The following ABL1 variants were observed in gnomAD, a reference collection of about 807,000 sequenced individuals.
ABL1 encodes the protein ABL proto-oncogene 1, non-receptor tyrosine kinase, also known as tyrosine-protein kinase ABL1.
A neutral mutation model predicts 94.7 loss-of-function variants in ABL1; 11 were observed. The observed-to-expected ratio is 0.12, with a 90% CI of 0.07 to 0.19. ABL1 has a LOEUF of 0.19. Among genes scored for constraint, ABL1 ranks in the 10% least tolerant of loss-of-function variants. The pLI is 1.00. For missense variants in ABL1, 1,082 were observed against 1,489.4 expected (o/e 0.73, Z 4.50); for synonymous variants, 656 against 622.4 (o/e 1.05, Z -0.80).
At chr9:130,834,023 C>T (rs1442019726), upstream of ABL1, 1 of 455,956 alleles carries the variant, frequency 2.2e-6, no homozygotes, top group Non-Finnish European at 4.4e-6. Flanking sequence ...GAGCCTGATC[C>T]TTGGAGCCAG....
chr9:130,744,010 A>C (rs1831852386), intron 1 of ABL1, among the ~76,000 whole-genome samples: 1 of 152,146 alleles, frequency 6.6e-6, no homozygotes, highest in African/African-American at 2.4e-5. Context: ...TGCTTGCTGC[A>C]TACAAATATT....
intron 1 of ABL1, among the ~76,000 whole-genome samples, chr9:130,750,171 T>C (rs1350487993): frequency 7.6e-6 from 1 of 131,422 alleles, no homozygotes; most frequent in African/African-American, 2.8e-5. Context: ...ACAGAGACCC[T>C]GACTCAAGAA....
At chr9:130,799,862 G>C (rs1830031604) in intron 1 of ABL1, among the ~76,000 whole-genome samples, 1 of 151,166 alleles carries the variant, frequency 6.6e-6, no homozygotes, top group African/African-American at 2.4e-5. Flanking sequence ...ATAAATTTTG[G>C]GATATTTATA....
At chr9:130,773,769 T>C (rs1456728792) in intron 1 of ABL1, among the ~76,000 whole-genome samples, 1 of 151,680 alleles carries the variant, frequency 6.6e-6, no homozygotes, top group African/African-American at 2.4e-5. Context: ...ACATGAGCCA[T>C]TGTGCCCGGC....
At chr9:130,726,907 A>G (rs1196473837) in intron 1 of ABL1, among the ~76,000 whole-genome samples, 1 of 152,242 alleles carries the variant, frequency 6.6e-6, no homozygotes, top group Non-Finnish European at 1.5e-5. Flanking sequence ...GCTCTATCAC[A>G]TAAGTTCATC....
intron 1 of ABL1, among the ~76,000 whole-genome samples, chr9:130,780,910 A>G (rs1289000113): frequency 6.6e-6 from 1 of 152,204 alleles, no homozygotes; most frequent in African/African-American, 2.4e-5. Flanking sequence ...CCCTAATGAA[A>G]CTGAAAATGA....
chr9:130,750,722 C>A (rs1831954369), intron 1 of ABL1, among the ~76,000 whole-genome samples: 2 of 142,354 alleles, frequency 1.4e-5, no homozygotes, highest in African/African-American at 5.3e-5. Flanking sequence ...TCTCGGCTCA[C>A]TGCAACCTCT....
chr9:130,800,782 CATTTT>C (rs531202887), intron 1 of ABL1, among the ~76,000 whole-genome samples: 338 of 152,114 alleles, frequency 2.2e-3, no homozygotes, highest in African/African-American at 7.7e-3. Context: ...ACAATTTATC[CATTTT>C]ACTAGTGGAT....
At chr9:130,816,218 C>G (rs1229473331) in intron 1 of ABL1, among the ~76,000 whole-genome samples, 1 of 152,176 alleles carries the variant, frequency 6.6e-6, no homozygotes, top group Non-Finnish European at 1.5e-5. Context: ...GGCCTTTGCA[C>G]TTGCTGTTCT....
chr9:130,751,072 A>C (rs1178222644), intron 1 of ABL1, among the ~76,000 whole-genome samples: 4 of 150,960 alleles, frequency 2.6e-5, no homozygotes, highest in Non-Finnish European at 4.4e-5. Flanking sequence ...ATGTTTAAGA[A>C]TACATAAATG....
intron 1 of ABL1, among the ~76,000 whole-genome samples, chr9:130,736,716 TC>T (rs1156778835): frequency 6.6e-6 from 1 of 152,118 alleles, no homozygotes; most frequent in Non-Finnish European, 1.5e-5. Context: ...GTCTCAAACT[TC>T]CGATCTCAGG....
intron 1 of ABL1, among the ~76,000 whole-genome samples, chr9:130,788,133 T>C (rs180930049): frequency 2.0e-5 from 3 of 152,370 alleles, no homozygotes; most frequent in Non-Finnish European, 2.9e-5. Context: ...ATACAAATAC[T>C]GTATGTATAG....
chr9:130,753,970 C>T (rs1171584506), intron 1 of ABL1, among the ~76,000 whole-genome samples: 1 of 151,732 alleles, frequency 6.6e-6, no homozygotes, highest in African/African-American at 2.4e-5. Context: ...CTTTGGGAGG[C>T]TGAGGCGGGT....
At chr9:130,874,009 C>T (rs768695197) in intron 6 of ABL1, among the ~76,000 whole-genome samples, 2 of 152,222 alleles carry the variant, frequency 1.3e-5, no homozygotes, top group Non-Finnish European at 2.9e-5. Context: ...TCTGGTTTGC[C>T]TGGCACGGCC....
At chr9:130,830,956 G>C (rs141147418), upstream of ABL1, among the ~76,000 whole-genome samples, 289 of 152,296 alleles carry the variant, frequency 1.9e-3, 2 homozygotes, top group African/African-American at 6.7e-3. Context: ...GAGACTTAAA[G>C]GGATGCATGT....
intron 4 of ABL1, among the ~76,000 whole-genome samples, chr9:130,868,530 T>C (rs1292034695): frequency 7.3e-6 from 1 of 136,938 alleles, no homozygotes; most frequent in South Asian, 2.1e-4. Context: ...CTTTTTTTTT[T>C]TTTTTTTTTT....
In ABL1 at chr9:130,880,022, C is replaced by G. The variant is rs1831424146; in HGVS notation, c.1424-46C>G. On this transcript the variant is annotated intron_variant, in intron 8 of 10. Coordinates refer to ENST00000318560, the MANE Select transcript of ABL1 (RefSeq NM_005157.6). This position sits in a 1 kb window ranked among gnomAD's most constrained non-coding sequence, Gnocchi z 4.4. ...CTTGAGAACTGCTAGCCCCGTATTGCTAGCCAGATCTCATGGATGATCTGA... is the reference window on the plus strand; with the variant it reads ...CTTGAGAACTGCTAGCCCCGTATTGGTAGCCAGATCTCATGGATGATCTGA... 2 of 1,563,532 alleles carry G rather than the reference C, an allele frequency of 1.3e-6. No individual in the cohort carries two copies. Among genetic ancestry groups the G allele is most frequent in the Non-Finnish European group, 1.8e-6 (2 of 1,133,888 alleles).
chr9:130,823,784 A>T (rs1211584115), intron 1 of ABL1, among the ~76,000 whole-genome samples: 1 of 152,106 alleles, frequency 6.6e-6, no homozygotes, highest in African/African-American at 2.4e-5. Flanking sequence ...TTCTGGGGTG[A>T]TGTGTCCCAT....
chr9:130,791,343 G>A (rs1829906847), intron 1 of ABL1, among the ~76,000 whole-genome samples: 3 of 152,154 alleles, frequency 2.0e-5, no homozygotes, highest in Admixed American at 1.3e-4. Context: ...AAAGACATTA[G>A]ATAAATAAAA....
Sources: allele counts gnomAD v4.1 joint callset (sites outside exome capture counted in the v4.1 genomes callset), GRCh38; gene constraint gnomAD v4.1.1; non-coding constraint Gnocchi (gnomAD v3.1); transcripts MANE v1.5; gene names NCBI Gene and HGNC (gene_info 2026-07-23, HGNC 2026-07-21).